The following PM20D2 variants were observed in gnomAD, a reference collection of about 807,000 sequenced individuals.
PM20D2 encodes xaa-Arg dipeptidase.
A neutral mutation model predicts 42.9 loss-of-function variants in PM20D2; 33 were observed. The observed-to-expected ratio is 0.77, with a 90% CI of 0.58 to 1.03. The LOEUF is 1.03. PM20D2 is among the 50% of genes least tolerant of loss of function. The pLI, the probability that PM20D2 is intolerant of heterozygous loss-of-function variation, is 0.00. For missense variants in PM20D2, 548 were observed against 557.0 expected, an observed-to-expected ratio of 0.98 and a Z score of 0.16; for synonymous variants, 250 against 228.2, an observed-to-expected ratio of 1.10 and a Z score of -0.86.
upstream of PM20D2, among the ~76,000 whole-genome samples, chr6:89,145,258 T>TA (rs1770485796): frequency 6.6e-6 from 1 of 152,192 alleles, no homozygotes; most frequent in Non-Finnish European, 1.5e-5. Context: ...ACTGGGTAAT[T>TA]AAAAAACTCA....
the PM20D2 span, among the ~76,000 whole-genome samples, chr6:89,094,945 T>C: frequency 1.3e-5 from 2 of 152,152 alleles, no homozygotes; most frequent in African/African-American, 4.8e-5. Flanking sequence ...AATCTGTAAA[T>C]GTCTCACTGA....
chr6:89,104,323 G>A, the PM20D2 span, among the ~76,000 whole-genome samples: 1 of 147,422 alleles, frequency 6.8e-6, no homozygotes, highest in African/African-American at 2.5e-5. Context: ...TGCAACCTCC[G>A]CCTCCCAGGT....
chr6:89,112,304 T>A, the PM20D2 span, among the ~76,000 whole-genome samples: 1 of 152,228 alleles, frequency 6.6e-6, no homozygotes, highest in Non-Finnish European at 1.5e-5. Context: ...TTTTAGTGTC[T>A]TCTGCTTTTA....
At chr6:89,138,221 A>T in the PM20D2 span, among the ~76,000 whole-genome samples, 32 of 152,214 alleles carry the variant, frequency 2.1e-4, no homozygotes, top group Admixed American at 6.5e-4. Flanking sequence ...CCATGCACCC[A>T]GCATCAAACT....
At chr6:89,117,978 C>T in the PM20D2 span, 3 of 1,380,592 alleles carry the variant, frequency 2.2e-6, no homozygotes, top group Non-Finnish European at 2.9e-6. Flanking sequence ...GGAGCTCCGC[C>T]GGCCCCCGGC....
the PM20D2 span, among the ~76,000 whole-genome samples, chr6:89,134,375 G>A: frequency 0.036 from 5,412 of 151,096 alleles, 554 homozygotes; most frequent in African/African-American, 0.11. Context: ...CAAACCCCCA[G>A]GCCTTCCAAG....
chr6:89,158,987 A>G (rs1390171336), intron 5 of PM20D2, among the ~76,000 whole-genome samples: 1 of 152,196 alleles, frequency 6.6e-6, no homozygotes, highest in Non-Finnish European at 1.5e-5. Flanking sequence ...TAGGCCCAAA[A>G]GGACTTGGTG....
Position 89,158,313 on chromosome 6 carries a change from A to AT in PM20D2, c.913-6dup. On this transcript the variant is annotated splice_polypyrimidine_tract_variant and intron_variant, in intron 4 of 6. Transcript: ENST00000275072. ...TTTTTATTTCAAAATTTGTTTTGCA[A>AT]TTTTTTATTAGGTGGAAATTAAAGG... The AT allele has an allele frequency of 1.3e-6, 2 of 1,563,690 alleles. No homozygotes were observed. The highest frequency in any genetic ancestry group is 1.8e-4 in the Middle Eastern group (1 of 5,638).
the PM20D2 span, among the ~76,000 whole-genome samples, chr6:89,114,362 A>AG: frequency 1.3e-5 from 2 of 152,030 alleles, no homozygotes; most frequent in African/African-American, 4.8e-5. Flanking sequence ...CAGGAGGCGG[A>AG]GGTTGCAGTG....
intron 5 of PM20D2, 68 bp from the exon 6 acceptor site, chr6:89,161,715 C>G: frequency 8.0e-7 from 1 of 1,246,380 alleles, no homozygotes; most frequent in East Asian, 2.3e-5. Flanking sequence ...GGGACTGTGA[C>G]TTCATAACTC....
chr6:89,101,398 G>A, the PM20D2 span, among the ~76,000 whole-genome samples: 1 of 152,108 alleles, frequency 6.6e-6, no homozygotes, highest in Admixed American at 6.6e-5. Context: ...ACATCACAGT[G>A]AAACTGATGA....
chr6:89,153,216 T>C (rs1301139595), intron 3 of PM20D2, 31 bp downstream of exon 3: 1 of 1,516,732 alleles, frequency 6.6e-7, no homozygotes, highest in Non-Finnish European at 8.9e-7. Flanking sequence ...CTATAATAGA[T>C]GGTGCTTGCT....
At chr6:89,113,466 C>T in the PM20D2 span, among the ~76,000 whole-genome samples, 2 of 152,126 alleles carry the variant, frequency 1.3e-5, no homozygotes, top group Non-Finnish European at 2.9e-5. Flanking sequence ...GCCACCGCAC[C>T]CAGCCCAATT....
In PM20D2 at chr6:89,164,922, T is replaced by TG. The variant is rs1771361159; in HGVS notation, c.*2659_*2660insG. The TG allele has an allele frequency of 9.3e-6, 1 of 107,728 alleles. No homozygotes were observed. The highest frequency in any genetic ancestry group is 1.9e-5 in the Non-Finnish European group (1 of 52,026). The allele number at this position is 107,728 out of a possible 1,614,324, so 6.7% of individuals were successfully genotyped here. ...TAAAATTGATGAGTTTCTGTGCCTG[T>TG]AAAAAAAAAAAAAAAAAAAAGAAAA... On this transcript the variant is annotated 3_prime_UTR_variant, in exon 7 of 7. Coordinates refer to ENST00000275072, the MANE Select transcript of PM20D2 (RefSeq NM_001010853.3).
chr6:89,141,511 G>T (rs1000762197), upstream of PM20D2, among the ~76,000 whole-genome samples: 1 of 151,832 alleles, frequency 6.6e-6, no homozygotes, highest in Non-Finnish European at 1.5e-5. Flanking sequence ...GATTACAGGC[G>T]CCCGCCCCAA....
At chr6:89,113,934 T>C in the PM20D2 span, among the ~76,000 whole-genome samples, 1 of 152,218 alleles carries the variant, frequency 6.6e-6, no homozygotes, top group Non-Finnish European at 1.5e-5. Flanking sequence ...TGAGCCACTG[T>C]GCCCTATCTT....
Position 89,149,338 on chromosome 6 carries a change from C to T in PM20D2, c.539C>T (p.Thr180Ile), listed in dbSNP as rs200228246. The part of the protein sequence containing the change: ...KIDLIEAGAF[T>I]NLDVVFMAHP... ...GATTTAATTGAAGCAGGGGCTTTTA[C>T]AAATCTTGATGTTGTTTTTATGGCC... The change falls in exon 2 of 7, where the codon ACA becomes ATA. Residue 180 changes from threonine to isoleucine, a missense_variant. Physicochemically the swap from Thr to Ile is moderately conservative, Grantham distance 89. Transcript: ENST00000275072. 20 of 1,613,948 alleles carry T rather than the reference C, an allele frequency of 1.2e-5. No homozygotes were observed. In the Admixed American group the frequency reaches 2.5e-4, roughly 20 times the overall value.
intron 3 of PM20D2, 50 bp downstream of exon 3, chr6:89,153,235 G>A: frequency 7.5e-7 from 1 of 1,328,184 alleles, no homozygotes; most frequent in Non-Finnish European, 9.9e-7. Context: ...CTATAGTTCA[G>A]TGCAGTATAA....
chr6:89,099,472 ATATATATATGTGTGTG>A, the PM20D2 span, among the ~76,000 whole-genome samples: 1 of 145,200 alleles, frequency 6.9e-6, no homozygotes, highest in African/African-American at 2.6e-5. Context: ...ATGTGTGTGT[ATATATATATGTGTGTG>A]TATATATATA....
Sources: gnomAD v4.1 joint callset for allele counts (sites outside exome capture counted in the v4.1 genomes callset) on GRCh38, gnomAD v4.1.1 for gene constraint, MANE v1.5 for transcripts, NCBI Gene and HGNC (gene_info 2026-07-23, HGNC 2026-07-21) for gene names.